Variants in LRMDA observed in about 807,000 individuals in gnomAD.
The protein encoded by LRMDA is leucine rich melanocyte differentiation associated.
LRMDA carries 18 observed loss-of-function variants against 29.8 expected under a neutral mutation model. That is an observed-to-expected ratio of 0.60 (90% confidence interval 0.42 to 0.90). LRMDA has a LOEUF of 0.90. Ranked by LOEUF, LRMDA falls within the 40% of genes least tolerant of loss-of-function variation. LRMDA has a pLI of 0.00. For missense variants in LRMDA, 273 were observed against 273.9 expected (o/e 1.00, Z 0.02); for synonymous variants, 125 against 109.4 (o/e 1.14, Z -0.89).
At chr10:76,485,108 G>T (rs184243988) in intron 6 of LRMDA, among the ~76,000 whole-genome samples, 4 of 151,660 alleles carry the variant, frequency 2.6e-5, no homozygotes. Context: ...TCCTATAATA[G>T]GTATATTTAG....
At chr10:76,401,781 A>G (rs1841851537) in intron 6 of LRMDA, among the ~76,000 whole-genome samples, 1 of 152,200 alleles carries the variant, frequency 6.6e-6, no homozygotes, top group African/African-American at 2.4e-5. Flanking sequence ...TGAGAGAAAG[A>G]GAGGAGAGCA....
intron 5 of LRMDA, among the ~76,000 whole-genome samples, chr10:76,165,360 C>T (rs1012121126): frequency 6.6e-6 from 1 of 152,086 alleles, no homozygotes; most frequent in Non-Finnish European, 1.5e-5. Flanking sequence ...GTAACCTCTG[C>T]CTTTGGGTTC....
chr10:75,994,954 G>C (rs1036486199), intron 2 of LRMDA, among the ~76,000 whole-genome samples: 6 of 152,058 alleles, frequency 3.9e-5, no homozygotes, highest in African/African-American at 1.4e-4. Context: ...ATTTTCAAGA[G>C]CAAAGAAATG....
At chr10:75,714,489 G>A (rs974378735) in intron 2 of LRMDA, among the ~76,000 whole-genome samples, 10 of 152,156 alleles carry the variant, frequency 6.6e-5, no homozygotes, top group Non-Finnish European at 1.5e-4. Context: ...TTGACAAGTG[G>A]TAGAATTAAG....
intron 6 of LRMDA, among the ~76,000 whole-genome samples, chr10:76,460,953 A>G (rs1330557570): frequency 1.3e-5 from 2 of 152,202 alleles, no homozygotes; most frequent in Non-Finnish European, 2.9e-5. Flanking sequence ...TTCTTCTTAT[A>G]TGATCTTGGT....
At chr10:75,639,955 C>G (rs1030125830) in intron 2 of LRMDA, among the ~76,000 whole-genome samples, 10 of 152,210 alleles carry the variant, frequency 6.6e-5, no homozygotes, top group African/African-American at 2.4e-4. Context: ...ACCAAGGGAG[C>G]ACTGCCAGCA....
chr10:76,131,401 G>A (rs149560478), intron 5 of LRMDA, among the ~76,000 whole-genome samples: 2 of 151,990 alleles, frequency 1.3e-5, no homozygotes, highest in Non-Finnish European at 2.9e-5. Context: ...CCCCCATCAC[G>A]TGGGTATCAT....
At chr10:75,502,979 A>C (rs1316298068) in intron 2 of LRMDA, among the ~76,000 whole-genome samples, 1 of 152,110 alleles carries the variant, frequency 6.6e-6, no homozygotes, top group African/African-American at 2.4e-5. Context: ...ACCCACAGCA[A>C]CACCTATTTG....
intron 5 of LRMDA, among the ~76,000 whole-genome samples, chr10:76,294,519 C>T (rs988570462): frequency 6.6e-6 from 1 of 152,142 alleles, no homozygotes; most frequent in Non-Finnish European, 1.5e-5. Context: ...GTCCTTGTCC[C>T]TGACCTAGTA....
chr10:76,268,750 C>A (rs1455603132), intron 5 of LRMDA, among the ~76,000 whole-genome samples: 2 of 152,132 alleles, frequency 1.3e-5, no homozygotes, highest in Non-Finnish European at 2.9e-5. Flanking sequence ...GTCCTTACGC[C>A]CCCATTGCAT....
At chr10:76,530,818 C>T (rs17467433) in intron 6 of LRMDA, among the ~76,000 whole-genome samples, 60,807 of 151,992 alleles carry the variant, frequency 0.4, 13,081 homozygotes, top group African/African-American at 0.51. Context: ...CCGTACTCCA[C>T]GTGGTGTTCT....
At chr10:76,473,222 A>G (rs898318001) in intron 6 of LRMDA, among the ~76,000 whole-genome samples, 1 of 151,578 alleles carries the variant, frequency 6.6e-6, no homozygotes, top group Non-Finnish European at 1.5e-5. Context: ...ACCAATTAAC[A>G]TAATACACCA....
intron 2 of LRMDA, among the ~76,000 whole-genome samples, chr10:75,848,715 T>C (rs959881629): frequency 1.3e-5 from 2 of 152,116 alleles, no homozygotes; most frequent in African/African-American, 4.8e-5. Flanking sequence ...TCTAATTATC[T>C]TGTGTGCCCA....
chr10:76,099,499 A>G (rs1002442151), intron 5 of LRMDA, among the ~76,000 whole-genome samples: 4 of 152,052 alleles, frequency 2.6e-5, no homozygotes, highest in African/African-American at 9.7e-5. Flanking sequence ...TAAGGTAGAA[A>G]CCTAGATTCT....
chr10:75,764,453 G>T (rs922483808), intron 2 of LRMDA, among the ~76,000 whole-genome samples: 1 of 152,152 alleles, frequency 6.6e-6, no homozygotes, highest in Non-Finnish European at 1.5e-5. Flanking sequence ...TTAGATTCTC[G>T]TAATTTTCCA....
chr10:75,823,309 G>A (rs1323582758), intron 2 of LRMDA, among the ~76,000 whole-genome samples: 7 of 152,150 alleles, frequency 4.6e-5, no homozygotes, highest in Non-Finnish European at 8.8e-5. Flanking sequence ...GACACGAACA[G>A]ACATTTTTCA....
chr10:76,176,899 T>C (rs1313977881), intron 5 of LRMDA, among the ~76,000 whole-genome samples: 2 of 152,212 alleles, frequency 1.3e-5, no homozygotes, highest in East Asian at 3.9e-4. Flanking sequence ...ATCCTGATAA[T>C]TCACGTAATA....
chr10:76,175,753 C>T (rs977329761), intron 5 of LRMDA, among the ~76,000 whole-genome samples: 1 of 152,132 alleles, frequency 6.6e-6, no homozygotes, highest in African/African-American at 2.4e-5. Context: ...CAGGGCAGAC[C>T]CTGCAAACAA....
intron 2 of LRMDA, among the ~76,000 whole-genome samples, chr10:75,929,378 C>CAT (rs1846173491): frequency 1.3e-5 from 2 of 151,936 alleles, no homozygotes; most frequent in South Asian, 4.2e-4. Context: ...TACATTTGTG[C>CAT]ATAGAGAAGA....
Sources: gnomAD v4.1 joint callset for allele counts (sites outside exome capture counted in the v4.1 genomes callset) on GRCh38, gnomAD v4.1.1 for gene constraint, MANE v1.5 for transcripts, NCBI Gene and HGNC (gene_info 2026-07-23, HGNC 2026-07-21) for gene names.